DACH1: variants seen among roughly 807,000 people sequenced by gnomAD.
DACH1 encodes the protein dachshund homolog 1.
Under a neutral mutation model 54.2 loss-of-function variants are expected in DACH1, and 12 were observed. That is an observed-to-expected ratio of 0.22 (90% CI 0.14 to 0.36). DACH1 has a LOEUF of 0.36. Among genes scored for constraint, DACH1 ranks in the 10% least tolerant of loss-of-function variants. The pLI is 1.00. For synonymous variants in DACH1, 386 were observed against 366.2 expected (o/e 1.05, Z -0.62); for missense variants, 805 against 929.8 (o/e 0.87, Z 1.75).
chr13:71,748,896 T>TTCTTTCTCTC (rs1884768009), intron 1 of DACH1, among the ~76,000 whole-genome samples: 2 of 64,946 alleles, frequency 3.1e-5, no homozygotes, highest in African/African-American at 1.4e-4. Context: ...CTTTCTTTCT[T>TTCTTTCTCTC]TCTCTTTCTT....
chr13:71,508,153 TA>T (rs986544407), intron 6 of DACH1, among the ~76,000 whole-genome samples: 1 of 152,014 alleles, frequency 6.6e-6, no homozygotes, highest in Non-Finnish European at 1.5e-5. Flanking sequence ...TCTGTCCAGT[TA>T]AAAAAAATCA....
intron 10 of DACH1, among the ~76,000 whole-genome samples, chr13:71,454,973 G>A (rs1467455570): frequency 6.6e-6 from 1 of 152,198 alleles, no homozygotes; most frequent in Non-Finnish European, 1.5e-5. Context: ...GTGAGTTTTA[G>A]TGTGTTAGTA....
At chr13:71,492,148 A>G (rs1879031968) in intron 6 of DACH1, among the ~76,000 whole-genome samples, 1 of 152,222 alleles carries the variant, frequency 6.6e-6, no homozygotes, top group African/African-American at 2.4e-5. Context: ...CAGAAAAGTT[A>G]CACGAATTGT....
At chr13:71,820,169 C>G (rs1321911012) in intron 1 of DACH1, among the ~76,000 whole-genome samples, 1 of 145,038 alleles carries the variant, frequency 6.9e-6, no homozygotes, top group Non-Finnish European at 1.5e-5. Flanking sequence ...TATGAAGGGG[C>G]ACAGTTTCTA....
At chr13:71,757,522 C>CTTTTT (rs71126504) in intron 1 of DACH1, among the ~76,000 whole-genome samples, 1 of 128,936 alleles carries the variant, frequency 7.8e-6, no homozygotes, top group Non-Finnish European at 1.7e-5. Context: ...TTTAAAGGTA[C>CTTTTT]TTTTTTTTTT....
At chr13:71,770,946 T>G (rs1395145980) in intron 1 of DACH1, among the ~76,000 whole-genome samples, 1 of 151,586 alleles carries the variant, frequency 6.6e-6, no homozygotes, top group Non-Finnish European at 1.5e-5. Flanking sequence ...TAGGACTTAC[T>G]AATAGGATTG....
At chr13:71,632,104 GAGAAAAGAAAAGGAA>G (rs1338588899) in intron 2 of DACH1, among the ~76,000 whole-genome samples, 4 of 147,676 alleles carry the variant, frequency 2.7e-5, no homozygotes, top group Non-Finnish European at 6.0e-5. Context: ...AAGAAAGGAA[GAGAAAAGAAAAGGAA>G]AGAAAAGAAA....
In DACH1 at chr13:71,791,176, GACTA is replaced by G. The variant is rs371469069; in HGVS notation, c.848+74742_848+74745del. Among the ~76,000 whole-genome samples, 960 of 152,152 alleles carry G rather than the reference GACTA, an allele frequency of 6.3e-3. 12 individuals carry two copies. Among genetic ancestry groups the G allele is most frequent in the African/African-American group, 0.022 (898 of 41,494 alleles). ...CTTTAGTCAAATCTAGATTCTTTAG[GACTA>G]ACTCTCTTTACTTACACCTAAAAGT... On this transcript the variant is annotated intron_variant, in intron 1 of 10. Coordinates refer to ENST00000613252, the MANE Select transcript of DACH1 (RefSeq NM_080759.6).
intron 10 of DACH1, among the ~76,000 whole-genome samples, chr13:71,448,238 G>A (rs1874646019): frequency 6.6e-6 from 1 of 152,008 alleles, no homozygotes; most frequent in African/African-American, 2.4e-5. Context: ...CACAGCAGAG[G>A]GCAAACATAT....
At chr13:71,582,352 C>G (rs951349313) in intron 3 of DACH1, among the ~76,000 whole-genome samples, 3 of 152,090 alleles carry the variant, frequency 2.0e-5, no homozygotes, top group African/African-American at 7.2e-5. Context: ...AATACGAATA[C>G]ATGAATGCCT....
At chr13:71,516,897 C>G (rs1881200449) in intron 6 of DACH1, among the ~76,000 whole-genome samples, 1 of 140,714 alleles carries the variant, frequency 7.1e-6, no homozygotes, top group South Asian at 2.4e-4. Context: ...CTCATATATA[C>G]ATATATATAT....
chr13:71,590,726 A>C (rs1358968010), intron 3 of DACH1, among the ~76,000 whole-genome samples: 1 of 152,188 alleles, frequency 6.6e-6, no homozygotes, highest in Non-Finnish European at 1.5e-5. Context: ...TTATCTAACA[A>C]TAATTTAAAA....
chr13:71,462,700 C>A (rs1370303943), intron 10 of DACH1, among the ~76,000 whole-genome samples: 1 of 151,894 alleles, frequency 6.6e-6, no homozygotes, highest in Admixed American at 6.6e-5. Flanking sequence ...TTCATTTAAT[C>A]TTCATAACAA....
At chr13:71,480,431 C>T (rs1877926957) in intron 7 of DACH1, among the ~76,000 whole-genome samples, 1 of 152,008 alleles carries the variant, frequency 6.6e-6, no homozygotes, top group African/African-American at 2.4e-5. Flanking sequence ...TAAAAATTAG[C>T]AGTATTTTAA....
chr13:71,842,429 T>A (rs201355457), intron 1 of DACH1, among the ~76,000 whole-genome samples: 59 of 103,824 alleles, frequency 5.7e-4, no homozygotes, highest in South Asian at 9.4e-4. Context: ...AAAAAAAAAA[T>A]TAGCAAGGCA....
At chr13:71,603,767 T>C (rs986427811) in intron 3 of DACH1, among the ~76,000 whole-genome samples, 16 of 152,130 alleles carry the variant, frequency 1.1e-4, no homozygotes, top group African/African-American at 3.8e-4. Context: ...ATATGTGGGA[T>C]ACATTACATT....
At chr13:71,470,472 C>T (rs548231878) in intron 10 of DACH1, among the ~76,000 whole-genome samples, 1 of 152,142 alleles carries the variant, frequency 6.6e-6, no homozygotes, top group East Asian at 1.9e-4. Context: ...GCATTACAGA[C>T]ACTTGCCACC....
chr13:71,492,314 A>G (rs1253264740), intron 6 of DACH1, among the ~76,000 whole-genome samples: 1 of 152,122 alleles, frequency 6.6e-6, no homozygotes, highest in East Asian at 1.9e-4. Context: ...AGATGAGGAG[A>G]TCATTTTGGT....
Position 71,748,902 on chromosome 13 carries a change from T to TC in DACH1, c.849-66993_849-66992insG, listed in dbSNP as rs1566476912. 1.3e-3 allele frequency among the ~76,000 whole-genome samples: 33 copies of TC among 26,214 alleles called. 1 individual carries two copies. Among genetic ancestry groups the TC allele is most frequent in the African/African-American group, 2.4e-3 (29 of 11,998 alleles). 17.2% of individuals were successfully genotyped at this position (26,214 alleles called of 152,430 possible). ...TCTTTCTTTCTTTCTTTCTTTCTCT[T>TC]TCTTTCTTTCTTTCTTTCTTTCTTT... is the stretch of plus-strand genomic sequence containing the variant. On this transcript the variant is annotated intron_variant, in intron 1 of 10. Transcript: ENST00000613252.
Sources: gnomAD v4.1 joint callset for allele counts (sites outside exome capture counted in the v4.1 genomes callset) on GRCh38, gnomAD v4.1.1 for gene constraint, MANE v1.5 for transcripts, NCBI Gene and HGNC (gene_info 2026-07-23, HGNC 2026-07-21) for gene names.